The following BBX variants were observed in gnomAD, a reference collection of about 807,000 sequenced individuals.
BBX encodes the protein HMG box transcription factor BBX.
BBX carries 30 observed loss-of-function variants against 100.2 expected under a neutral mutation model. The ratio of observed to expected loss-of-function variants is 0.30; its 90% CI spans 0.22 to 0.41. BBX has a LOEUF of 0.41. Among genes scored for constraint, BBX ranks in the 10% least tolerant of loss-of-function variants. The pLI, the probability that BBX is intolerant of heterozygous loss-of-function variation, is 1.00. For synonymous variants in BBX, 376 were observed against 388.1 expected (o/e 0.97, Z 0.37); for missense variants, 1,023 against 1,129.8 (o/e 0.91, Z 1.35).
chr3:107,596,112 T>G (rs1382977727), intron 2 of BBX, among the ~76,000 whole-genome samples: 2 of 152,264 alleles, frequency 1.3e-5, no homozygotes. Flanking sequence ...TCACATAGTT[T>G]AAACCTATAT....
At chr3:107,585,229 G>C (rs938909655) in intron 2 of BBX, among the ~76,000 whole-genome samples, 2 of 152,140 alleles carry the variant, frequency 1.3e-5, no homozygotes, top group East Asian at 1.9e-4. Flanking sequence ...AGGTGTTCTG[G>C]AGGAATGGAG....
intron 2 of BBX, among the ~76,000 whole-genome samples, chr3:107,584,442 T>C (rs2052661183): frequency 1.3e-5 from 2 of 149,718 alleles, no homozygotes; most frequent in African/African-American, 2.5e-5. Flanking sequence ...CAAATCTTCA[T>C]GTCTGGAAAA....
rs2070450431 is a variant in BBX, at chr3:107,801,343, A to C, written c.2738+62A>C. 2.6e-6 allele frequency: 4 copies of C among 1,538,274 alleles called. No individual in the cohort carries two copies. The African/African-American group carries it at 5.5e-5, about 21-fold the overall frequency. ...AAACCAGATCAACCTCTTTGATGTG[A>C]TTTGTGACATTTTTTACAGGGCATT... On this transcript the variant is annotated intron_variant, in intron 17 of 17. Transcript: ENST00000325805.
At chr3:107,685,917 T>G (rs919406383) in intron 3 of BBX, among the ~76,000 whole-genome samples, 1 of 152,226 alleles carries the variant, frequency 6.6e-6, no homozygotes, top group African/African-American at 2.4e-5. Flanking sequence ...TCACTTCTTG[T>G]CTGCTCCATT....
intron 2 of BBX, among the ~76,000 whole-genome samples, chr3:107,644,526 T>C (rs2057407506): frequency 6.6e-6 from 1 of 152,336 alleles, no homozygotes; most frequent in South Asian, 2.1e-4. Context: ...AGATTTTCTT[T>C]AAAAATGTTT....
At chr3:107,690,059 T>C (rs1027680854) in intron 3 of BBX, among the ~76,000 whole-genome samples, 2 of 152,206 alleles carry the variant, frequency 1.3e-5, no homozygotes, top group Admixed American at 6.5e-5. Context: ...CTAGGGTTTT[T>C]TAATGGCAGT....
chr3:107,548,173 G>C (rs562803013), intron 2 of BBX, among the ~76,000 whole-genome samples: 1 of 152,238 alleles, frequency 6.6e-6, no homozygotes, highest in South Asian at 2.1e-4. Flanking sequence ...TATGAACAAG[G>C]CACTTAACCT....
chr3:107,557,512 T>G (rs962111055), intron 2 of BBX, among the ~76,000 whole-genome samples: 4 of 152,226 alleles, frequency 2.6e-5, no homozygotes, highest in Admixed American at 1.3e-4. Context: ...GTCAGTCACA[T>G]TCATTGTTTT....
At chr3:107,690,215 A>G (rs1485456875) in intron 3 of BBX, among the ~76,000 whole-genome samples, 2 of 152,182 alleles carry the variant, frequency 1.3e-5, no homozygotes, top group East Asian at 3.8e-4. Flanking sequence ...ATTATAATCT[A>G]TCTTTGAAAA....
chr3:107,768,843 A>T (rs79192816), intron 10 of BBX, among the ~76,000 whole-genome samples: 7 of 151,014 alleles, frequency 4.6e-5, no homozygotes, highest in African/African-American at 1.7e-4. Flanking sequence ...TAGGAACATA[A>T]TCTTAGAAAG....
chr3:107,524,581 A>G (rs1390618658), intron 1 of BBX: 1 of 125,324 alleles, frequency 8.0e-6, no homozygotes, highest in Non-Finnish European at 1.6e-5. Context: ...AAACGAAACG[A>G]TGCAAAAAGC....
chr3:107,782,061 CTGTT>C (rs961030201), intron 13 of BBX, among the ~76,000 whole-genome samples: 1 of 152,086 alleles, frequency 6.6e-6, no homozygotes, highest in Admixed American at 6.6e-5. Context: ...TTCTCCATAA[CTGTT>C]TGAAAGTCTC....
At chr3:107,780,021 A>G (rs1398362932) in intron 13 of BBX, among the ~76,000 whole-genome samples, 1 of 152,158 alleles carries the variant, frequency 6.6e-6, no homozygotes, top group Non-Finnish European at 1.5e-5. Flanking sequence ...GTCTGAGAAA[A>G]TAAAATAGGG....
In BBX at chr3:107,577,803, T is replaced by C. The variant is rs1271294492; in HGVS notation, c.-84+51405T>C. On this transcript the variant is annotated intron_variant, in intron 2 of 17. Coordinates refer to ENST00000325805, the MANE Select transcript of BBX (RefSeq NM_001142568.3). Reference sequence around the variant, plus strand: ...AGGGTAGATAAGTAGACCCCATAAGTGCTTAGTGACTGATGTGGTGTGGGT... The same window carrying C: ...AGGGTAGATAAGTAGACCCCATAAGCGCTTAGTGACTGATGTGGTGTGGGT... Among the ~76,000 whole-genome samples, 5 of 152,082 alleles carry C rather than the reference T, an allele frequency of 3.3e-5. No individual in the cohort carries two copies. The East Asian group carries it at 9.6e-4, about 29-fold the overall frequency.
At chr3:107,778,994 C>CATATATATATATATATATATAT (rs1286419462) in intron 13 of BBX, among the ~76,000 whole-genome samples, 42 of 68,096 alleles carry the variant, frequency 6.2e-4, no homozygotes, top group African/African-American at 1.6e-3. Context: ...CCTCCAGCAA[C>CATATATATATATATATATATAT]ATATATATAT....
chr3:107,665,482 GAATC>G (rs1431574434), intron 3 of BBX, among the ~76,000 whole-genome samples: 1 of 152,008 alleles, frequency 6.6e-6, no homozygotes, highest in East Asian at 1.9e-4. Flanking sequence ...ACCAGAGTCT[GAATC>G]TATCTACCTT....
intron 2 of BBX, among the ~76,000 whole-genome samples, chr3:107,577,033 G>T (rs1302761243): frequency 1.3e-5 from 2 of 151,924 alleles, no homozygotes. Flanking sequence ...GCTAATTTTT[G>T]TATTTTTAGT....
intron 3 of BBX, among the ~76,000 whole-genome samples, chr3:107,664,680 C>G (rs930851741): frequency 6.6e-6 from 1 of 152,300 alleles, no homozygotes; most frequent in Admixed American, 6.5e-5. Flanking sequence ...AAAACCTTAT[C>G]ATAAGAATAA....
At chr3:107,525,182 C>T (rs1446813828) in intron 1 of BBX, among the ~76,000 whole-genome samples, 1 of 149,540 alleles carries the variant, frequency 6.7e-6, no homozygotes, top group Non-Finnish European at 1.5e-5. Context: ...GCGGCCACCC[C>T]GGGTCCGGCC....
Sources: gnomAD v4.1 joint callset for allele counts (sites outside exome capture counted in the v4.1 genomes callset) on GRCh38, gnomAD v4.1.1 for gene constraint, MANE v1.5 for transcripts, NCBI Gene and HGNC (gene_info 2026-07-23, HGNC 2026-07-21) for gene names.